Variants in ZNF503 observed in about 807,000 individuals in gnomAD.
ZNF503 encodes the protein NocA-like zinc finger 2.
A neutral mutation model predicts 34.4 loss-of-function variants in ZNF503; 15 were observed. That is an observed-to-expected ratio of 0.44 (90% CI 0.29 to 0.67). The LOEUF (loss-of-function observed/expected upper bound fraction) is 0.67. Among genes scored for constraint, ZNF503 ranks in the 30% least tolerant of loss-of-function variants. The pLI, the probability that ZNF503 is intolerant of heterozygous loss-of-function variation, is 0.13. For missense variants in ZNF503, 1,007 were observed against 926.8 expected, an observed-to-expected ratio of 1.09 and a Z score of -1.12; for synonymous variants, 580 against 456.8, an observed-to-expected ratio of 1.27 and a Z score of -3.44.
chr10:75,298,462 C>T, the ZNF503 span, among the ~76,000 whole-genome samples: 10 of 152,164 alleles, frequency 6.6e-5, no homozygotes, highest in African/African-American at 1.2e-4. Flanking sequence ...TGGCCTTTAA[C>T]GCCTGGCTTC....
the ZNF503 span, among the ~76,000 whole-genome samples, chr10:75,356,163 A>G: frequency 6.6e-6 from 1 of 152,176 alleles, no homozygotes; most frequent in Admixed American, 6.5e-5. Context: ...GGATGTCAAG[A>G]TTCTAGAAAA....
rs1417120818 is a variant in ZNF503, at chr10:75,398,922, G to A, written c.1768C>T (p.Arg590Cys). Residue 590 changes from arginine (R) to cysteine (C), a missense_variant, in exon 2 of 2, where the codon CGC (arginine) becomes TGC (cysteine). Transcript: ENST00000372524. ...AGTCCCAGCGCGTGGTGGGGGCTGC[G>A]CAGCGCCAGCGTCCCAGGGCTGCCC... The part of the protein sequence containing the change: ...APGSPGTLAL[R>C]SPHHALGLSS... The A allele has an allele frequency of 3.2e-6, 5 of 1,580,252 alleles. No individual in the cohort carries two copies. The highest frequency in any genetic ancestry group is 2.3e-5 in the South Asian group (2 of 86,930).
chr10:75,318,680 A>C, the ZNF503 span, among the ~76,000 whole-genome samples: 1 of 151,898 alleles, frequency 6.6e-6, no homozygotes, highest in African/African-American at 2.4e-5. Flanking sequence ...AAAAAAAAAA[A>C]AAAAAAAGTA....
the ZNF503 span, among the ~76,000 whole-genome samples, chr10:75,383,365 C>T: frequency 6.6e-6 from 1 of 152,188 alleles, no homozygotes; most frequent in Non-Finnish European, 1.5e-5. Flanking sequence ...CAATCCTCTT[C>T]CTCTAAGGCT....
the ZNF503 span, chr10:75,358,442 C>T: frequency 6.6e-6 from 1 of 152,126 alleles, no homozygotes; most frequent in Non-Finnish European, 1.5e-5. Context: ...GAAAGGGGGG[C>T]CTGGGGTGAG....
At chr10:75,323,925 C>T in the ZNF503 span, among the ~76,000 whole-genome samples, 1 of 148,802 alleles carries the variant, frequency 6.7e-6, no homozygotes, top group Non-Finnish European at 1.5e-5. Flanking sequence ...TTGCTTAAAC[C>T]TGCCTCAGCC....
rs1389966661 is a variant in ZNF503 at position 75,399,962 on chromosome 10, G to A, written c.728C>T (p.Ser243Phe). The change falls in exon 2 of 2, where the codon TCC becomes TTC. Residue 243 changes from serine (S) to phenylalanine (F), a missense_variant. Ser to Phe is a radical substitution (Grantham distance 155). Coordinates refer to ENST00000372524, the MANE Select transcript of ZNF503 (RefSeq NM_032772.6). Reference protein sequence around the residue: ...ASACSPGGMLSSAGGAPEGKD... With the variant: ...ASACSPGGMLFSAGGAPEGKD... ...GCCCTCCGGGGCACCCCCGGCCGAGGACAGCATACCTCCCGGCGAGCAGGC... is the reference window on the plus strand; with the variant it reads ...GCCCTCCGGGGCACCCCCGGCCGAGAACAGCATACCTCCCGGCGAGCAGGC... The A allele has an allele frequency of 1.0e-5, 16 of 1,606,484 alleles. No homozygotes were observed. The highest frequency in any genetic ancestry group is 2.2e-5 in the East Asian group (1 of 44,808).
Position 75,400,012 on chromosome 10 carries a change from T to A in ZNF503, c.678A>T (p.Thr226=). ...SATCQPFTPR[T]GSPSSSASAC... ...CCGAGGCGCTGGAGCTCGGGCTGCCTGTCCTGGGCGTGAATGGCTGGCAGG... is the reference window on the plus strand; with the variant it reads ...CCGAGGCGCTGGAGCTCGGGCTGCCAGTCCTGGGCGTGAATGGCTGGCAGG... The change falls in exon 2 of 2, where the codon ACA becomes ACT. Residue 226 remains threonine (T), a synonymous_variant. Coordinates refer to ENST00000372524, the MANE Select transcript of ZNF503 (RefSeq NM_032772.6). The A allele has an allele frequency of 6.2e-7, 1 of 1,604,734 alleles. No individual in the cohort carries two copies. Among genetic ancestry groups the A allele is most frequent in the Non-Finnish European group, 8.5e-7 (1 of 1,178,870 alleles).
chr10:75,371,937 G>T, the ZNF503 span, among the ~76,000 whole-genome samples: 3 of 152,242 alleles, frequency 2.0e-5, no homozygotes, highest in East Asian at 3.9e-4. Context: ...TTTTGTTATT[G>T]TTTTGTTTTT....
At chr10:75,344,751 T>C in the ZNF503 span, among the ~76,000 whole-genome samples, 1 of 152,224 alleles carries the variant, frequency 6.6e-6, no homozygotes. Context: ...ACATTTCTAA[T>C]ATAGAGGAAA....
At chr10:75,385,411 G>C in the ZNF503 span, among the ~76,000 whole-genome samples, 5 of 152,230 alleles carry the variant, frequency 3.3e-5, no homozygotes, top group African/African-American at 1.2e-4. Flanking sequence ...GAGGCTTAGT[G>C]GGGAGGGCTC....
At chr10:75,298,283 AC>A in the ZNF503 span, among the ~76,000 whole-genome samples, 2 of 152,204 alleles carry the variant, frequency 1.3e-5, no homozygotes, top group Admixed American at 1.3e-4. Flanking sequence ...TACAAATATC[AC>A]CCCTATTTAA....
the ZNF503 span, among the ~76,000 whole-genome samples, chr10:75,287,297 C>T: frequency 4.6e-5 from 7 of 152,204 alleles, no homozygotes; most frequent in Admixed American, 2.0e-4. Flanking sequence ...TCTTCTATCA[C>T]GTCTCTCCCC....
At chr10:75,306,441 T>C in the ZNF503 span, among the ~76,000 whole-genome samples, 4 of 152,246 alleles carry the variant, frequency 2.6e-5, no homozygotes, top group African/African-American at 9.6e-5. Flanking sequence ...ATATTCTGGA[T>C]ATAAATCTCT....
At chr10:75,395,344 A>G (rs1843684378), downstream of ZNF503, among the ~76,000 whole-genome samples, 1 of 152,182 alleles carries the variant, frequency 6.6e-6, no homozygotes, top group Admixed American at 6.5e-5. This position sits in a 1 kb window ranked among gnomAD's most constrained non-coding sequence, Gnocchi z 4.4. Flanking sequence ...AGAAGCGAGG[A>G]GTCACAGGGA....
chr10:75,385,890 C>T, the ZNF503 span, among the ~76,000 whole-genome samples: 1 of 152,146 alleles, frequency 6.6e-6, no homozygotes, highest in Non-Finnish European at 1.5e-5. Flanking sequence ...GGGTACACAT[C>T]ACTCACACCC....
chr10:75,398,970 G>A lies in ZNF503; in HGVS notation c.1720C>T (p.His574Tyr), dbSNP rs1843741685. ...CCCGGTGCGCCCGAGGTGGGGATGT[G>A]CATGTGGCAAGCCATGGCGGCCGCG... is the stretch of plus-strand genomic sequence containing the variant. ...AAAAAMACHM[H>Y]IPTSGAPGSP... The change falls in exon 2 of 2, where the codon CAC (histidine) becomes TAC (tyrosine). Residue 574 changes from histidine to tyrosine, a missense_variant. His to Tyr is a moderately conservative substitution (Grantham distance 83, BLOSUM62 2). Transcript: ENST00000372524. 9 of 1,604,948 alleles carry A rather than the reference G, an allele frequency of 5.6e-6. No homozygotes were observed. Among genetic ancestry groups the A allele is most frequent in the East Asian group, 2.2e-5 (1 of 44,814 alleles).
At chr10:75,374,729 A>G in the ZNF503 span, among the ~76,000 whole-genome samples, 1 of 152,228 alleles carries the variant, frequency 6.6e-6, no homozygotes, top group South Asian at 2.1e-4. Context: ...CCCAGTACCT[A>G]CAACAGCATC....
chr10:75,315,216 C>T, the ZNF503 span, among the ~76,000 whole-genome samples: 1 of 152,004 alleles, frequency 6.6e-6, no homozygotes, highest in South Asian at 2.1e-4. Flanking sequence ...AAAAATTAGC[C>T]AGGCATGGTG....
Sources: allele counts gnomAD v4.1 joint callset (sites outside exome capture counted in the v4.1 genomes callset), GRCh38; gene constraint gnomAD v4.1.1; non-coding constraint Gnocchi (gnomAD v3.1); transcripts MANE v1.5; gene names NCBI Gene and HGNC (gene_info 2026-07-23, HGNC 2026-07-21).